Variants in ARHGEF3 observed in about 807,000 individuals in gnomAD.
ARHGEF3 encodes the protein Rho guanine nucleotide exchange factor 3, also known as 59.8 kDA protein.
A neutral mutation model predicts 63.2 loss-of-function variants in ARHGEF3; 28 were observed. That is an observed-to-expected ratio of 0.44 (90% CI 0.33 to 0.61). ARHGEF3 has a LOEUF of 0.61. Among genes scored for constraint, ARHGEF3 ranks in the 20% least tolerant of loss-of-function variants. The probability of loss-of-function intolerance (pLI) is 0.03; values close to 1 mark genes in which losing one functional copy is unlikely to be tolerated. For missense variants in ARHGEF3, 533 were observed against 659.3 expected, an observed-to-expected ratio of 0.81 and a Z score of 2.10; for synonymous variants, 266 against 254.2, an observed-to-expected ratio of 1.05 and a Z score of -0.44.
intron 2 of ARHGEF3, among the ~76,000 whole-genome samples, chr3:57,002,470 ATATATATGT>A (rs1423097723): frequency 0.015 from 258 of 17,058 alleles, 10 homozygotes; most frequent in African/African-American, 0.031. Context: ...CACTATATAT[ATATATATGT>A]TATATATATA....
intron 1 of ARHGEF3, among the ~76,000 whole-genome samples, chr3:56,790,496 G>A (rs539131162): frequency 8.5e-5 from 13 of 152,198 alleles, no homozygotes; most frequent in Admixed American, 7.8e-4. Context: ...CAATCACCAG[G>A]ATGGCTGAGA....
At chr3:56,915,274 C>T (rs2041957637) in intron 3 of ARHGEF3, among the ~76,000 whole-genome samples, 1 of 146,030 alleles carries the variant, frequency 6.8e-6, no homozygotes. Flanking sequence ...TGAGCCTGAG[C>T]AACATAGTAA....
chr3:57,075,986 T>C (rs553890579), intron 1 of ARHGEF3, among the ~76,000 whole-genome samples: 1 of 152,338 alleles, frequency 6.6e-6, no homozygotes, highest in African/African-American at 2.4e-5. Flanking sequence ...TAGAATTATA[T>C]ATTAAAAAAC....
chr3:56,989,500 C>G (rs1426869873), intron 2 of ARHGEF3, among the ~76,000 whole-genome samples: 1 of 152,202 alleles, frequency 6.6e-6, no homozygotes, highest in African/African-American at 2.4e-5. Context: ...TGCTTCCTTG[C>G]AGAAAACCCC....
chr3:56,958,104 C>G (rs549834273), intron 3 of ARHGEF3, among the ~76,000 whole-genome samples: 1 of 152,076 alleles, frequency 6.6e-6, no homozygotes, highest in Non-Finnish European at 1.5e-5. Flanking sequence ...AAACAAAGCT[C>G]CCTGTGAAGG....
In ARHGEF3 at chr3:56,727,686, C is replaced by T. The variant is rs189934943; in HGVS notation, c.*1584G>A. 6.6e-6 allele frequency: 1 copy of T among 152,604 alleles called. No homozygotes were observed. Among genetic ancestry groups the T allele is most frequent in the Admixed American group, 6.5e-5 (1 of 15,284 alleles). The allele number at this position is 152,604 out of a possible 1,614,324, so 9.5% of individuals were successfully genotyped here. ...GCAGGTTCACTTGCTGTATCAATAA[C>T]GACTTGAGAAAGCAGTTTTAAATAA... On this transcript the variant is annotated 3_prime_UTR_variant, in exon 10 of 10. Coordinates refer to ENST00000296315, the MANE Select transcript of ARHGEF3 (RefSeq NM_019555.3).
intron 1 of ARHGEF3, among the ~76,000 whole-genome samples, chr3:56,789,570 G>C (rs567858645): frequency 3.3e-4 from 51 of 152,274 alleles, no homozygotes; most frequent in African/African-American, 1.2e-3. Flanking sequence ...TAGTTTGCAA[G>C]TGACTGTGTC....
rs2034553333 is a variant in ARHGEF3, at chr3:56,748,704, G to A, written c.612+2352C>T. 2.0e-5 allele frequency among the ~76,000 whole-genome samples: 3 copies of A among 152,090 alleles called. No homozygotes were observed. In the South Asian group the frequency reaches 6.2e-4, roughly 32 times the overall value. On this transcript the variant is annotated intron_variant, in intron 6 of 9. Coordinates refer to ENST00000296315, the MANE Select transcript of ARHGEF3 (RefSeq NM_019555.3). ...GTTGGCATAGAGATAAGTCACTTGG[G>A]AAGTTGTTTCTTTATGCTAGGGAAG...
At chr3:56,814,678 T>C (rs76424204) in intron 4 of ARHGEF3, among the ~76,000 whole-genome samples, 7,095 of 151,890 alleles carry the variant, frequency 0.047, 171 homozygotes, top group Non-Finnish European at 0.055. Flanking sequence ...TTTTTTTAAA[T>C]GAATTAAGGA....
chr3:56,855,207 T>C (rs2039825843), intron 4 of ARHGEF3, among the ~76,000 whole-genome samples: 1 of 152,086 alleles, frequency 6.6e-6, no homozygotes, highest in Admixed American at 6.5e-5. Context: ...AAAGGGTTTT[T>C]ATTGAGATAG....
intron 1 of ARHGEF3, 50 bp downstream of exon 1, chr3:56,801,653 C>T (rs750275090): frequency 1.1e-5 from 17 of 1,540,576 alleles, no homozygotes; most frequent in South Asian, 6.0e-5. Flanking sequence ...TGGAGGCAGA[C>T]GAGACAGGCA....
At chr3:56,833,459 GT>G (rs1240300458) in intron 4 of ARHGEF3, among the ~76,000 whole-genome samples, 1 of 152,094 alleles carries the variant, frequency 6.6e-6, no homozygotes, top group Non-Finnish European at 1.5e-5. Context: ...GTGCAGTATT[GT>G]TTTCTAAGTG....
At chr3:56,815,903 A>C (rs982827237) in intron 4 of ARHGEF3, among the ~76,000 whole-genome samples, 1 of 152,138 alleles carries the variant, frequency 6.6e-6, no homozygotes, top group Non-Finnish European at 1.5e-5. Context: ...GCCATACCTA[A>C]TTCTGTTCTG....
chr3:56,826,032 G>A (rs568598042), intron 4 of ARHGEF3, among the ~76,000 whole-genome samples: 32 of 152,154 alleles, frequency 2.1e-4, no homozygotes, highest in Non-Finnish European at 4.4e-4. Flanking sequence ...ATTTTTGCAA[G>A]AGAAACTAGA....
intron 1 of ARHGEF3, among the ~76,000 whole-genome samples, chr3:57,042,700 A>ATT (rs869145503): frequency 1.7e-3 from 115 of 66,122 alleles, no homozygotes; most frequent in South Asian, 2.8e-3. Flanking sequence ...ATATATATAT[A>ATT]TTTTTTTTTT....
At chr3:56,949,257 T>C (rs1699678885) in intron 3 of ARHGEF3, among the ~76,000 whole-genome samples, 2 of 151,890 alleles carry the variant, frequency 1.3e-5, no homozygotes, top group Admixed American at 6.6e-5. Context: ...CTATTCAACA[T>C]AGTGTTGGGA....
intron 8 of ARHGEF3, among the ~76,000 whole-genome samples, chr3:56,733,710 A>C (rs907012021): frequency 6.6e-6 from 1 of 151,936 alleles, no homozygotes; most frequent in African/African-American, 2.4e-5. Flanking sequence ...CAGGCTGGGC[A>C]CAGTGGCTCA....
chr3:56,902,962 T>A (rs1488532314), intron 3 of ARHGEF3, among the ~76,000 whole-genome samples: 5 of 152,174 alleles, frequency 3.3e-5, no homozygotes, highest in Non-Finnish European at 7.4e-5. Flanking sequence ...AACAGCTGAC[T>A]GGGCAATTTC....
rs57740672 is a variant in ARHGEF3 at position 56,992,375 on chromosome 3, TAAAAAAAAAAAAAAAA to T, written c.63-33502_63-33487del. Among the ~76,000 whole-genome samples the T allele has an allele frequency of 3.7e-3, 171 of 46,150 alleles. 1 individual carries two copies. The highest frequency in any genetic ancestry group is 6.1e-3 in the African/African-American group (120 of 19,684). The allele number at this position is 46,150 out of a possible 152,430, so 30.3% of individuals were successfully genotyped here. A position where few individuals can be genotyped will look rare whatever the true frequency, so the allele number is the denominator to read the frequency against. On this transcript the variant is annotated intron_variant, in intron 2 of 12. Transcript: ENST00000338458. ...GGTCCTATGGTAGGGAGGATGGCTT[TAAAAAAAAAAAAAAAA>T]AAAAAAAAAAAAAAAAAAAAAAACA... is the stretch of plus-strand genomic sequence containing the variant.
Sources: allele counts gnomAD v4.1 joint callset (sites outside exome capture counted in the v4.1 genomes callset), GRCh38; gene constraint gnomAD v4.1.1; transcripts MANE v1.5; gene names NCBI Gene and HGNC (gene_info 2026-07-23, HGNC 2026-07-21).